PAPLN: variants seen among roughly 807,000 people sequenced by gnomAD.
PAPLN encodes papilin.
PAPLN carries 146 observed loss-of-function variants against 159.0 expected under a neutral mutation model. The ratio of observed to expected loss-of-function variants is 0.92; its 90% CI spans 0.80 to 1.05. The LOEUF (loss-of-function observed/expected upper bound fraction) is 1.05, where lower values mean the gene tolerates loss of function less well. Ranked by LOEUF, PAPLN falls within the 50% of genes least tolerant of loss-of-function variation. The pLI, the probability that PAPLN is intolerant of heterozygous loss-of-function variation, is 0.00. For missense variants in PAPLN, 1,720 were observed against 1,743.9 expected, an observed-to-expected ratio of 0.99 and a Z score of 0.24; for synonymous variants, 734 against 702.9, an observed-to-expected ratio of 1.04 and a Z score of -0.70.
intron 5 of PAPLN, among the ~76,000 whole-genome samples, chr14:73,247,121 C>T (rs1822614277): frequency 6.6e-6 from 1 of 152,116 alleles, no homozygotes; most frequent in Admixed American, 6.6e-5. Context: ...ATGGGGAACC[C>T]CGGGAGCGGT....
At position 73,266,883 on chromosome 14, in the gene PAPLN, G is replaced by T. The variant is rs868375554; in HGVS notation, c.3500+52G>T. ...TGTCCCCAGACCTTCACAACCTCAG[G>T]TGTGGGTGTCCACCTTTCTGCCAGG... On this transcript the variant is annotated intron_variant, in intron 25 of 26. Coordinates refer to ENST00000644200, the MANE Select transcript of PAPLN (RefSeq NM_001365906.3). The T allele has an allele frequency of 4.0e-6, 6 of 1,509,364 alleles. No homozygotes were observed. In the Middle Eastern group the frequency reaches 8.5e-4, roughly 215 times the overall value. The allele number at this position is 1,509,364 out of a possible 1,614,324, so 93.5% of individuals were successfully genotyped here.
intron 11 of PAPLN, chr14:73,253,084 G>C: frequency 1.5e-6 from 2 of 1,370,264 alleles, no homozygotes; most frequent in Non-Finnish European, 2.0e-6. Flanking sequence ...GTTTGGCTTG[G>C]CAGATGCCAA....
chr14:73,253,224 C>T (rs760841026), intron 11 of PAPLN: 6 of 1,358,940 alleles, frequency 4.4e-6, no homozygotes, highest in Non-Finnish European at 5.8e-6. Flanking sequence ...TGTGTGGGAA[C>T]AGGTAACCTG....
rs1884222060 is a variant in PAPLN at position 73,245,968 on chromosome 14, G to C, written c.232-105G>C. ...ACTCCACCTCCGGCGGCTCCGATGGGGCAGGCAAGGGAGACTCCTGGGCTC... is the reference window on the plus strand; with the variant it reads ...ACTCCACCTCCGGCGGCTCCGATGGCGCAGGCAAGGGAGACTCCTGGGCTC... On this transcript the variant is annotated intron_variant, in intron 4 of 26. Transcript: ENST00000644200. The surrounding 1 kb of genome is among the most constrained non-coding windows in gnomAD (Gnocchi z 4.2). 2.5e-6 allele frequency: 3 copies of C among 1,190,226 alleles called. No homozygotes were observed. The highest frequency in any genetic ancestry group is 1.6e-5 in the African/African-American group (1 of 63,470). 73.7% of individuals were successfully genotyped at this position (1,190,226 alleles called of 1,614,324 possible).
chr14:73,266,755 G>C lies in PAPLN; in HGVS notation c.3424G>C (p.Val1142Leu), dbSNP rs1183683602. Residue 1142 changes from valine (V) to leucine (L), a missense_variant, in exon 25 of 27, where the codon GTG (valine) becomes CTG (leucine). Val to Leu is a conservative substitution (Grantham distance 32). Coordinates refer to ENST00000644200, the MANE Select transcript of PAPLN (RefSeq NM_001365906.3). ...GACAATCTCAGGACTGCCCCCTACT[G>C]TGACAGTGCCAGAGGGTGATACGGC... ...ELTISGLPPTVTVPEGDTARL... is the reference protein window; with the variant it reads ...ELTISGLPPTLTVPEGDTARL... The C allele has an allele frequency of 6.2e-7, 1 of 1,614,054 alleles. No homozygotes were observed. Among genetic ancestry groups the C allele is most frequent in the Non-Finnish European group, 8.5e-7 (1 of 1,179,952 alleles).
chr14:73,262,871 C>A, intron 19 of PAPLN, 44 bp downstream of exon 19: 1 of 1,396,208 alleles, frequency 7.2e-7, no homozygotes, highest in African/African-American at 1.5e-5. Context: ...GACGCCCAGA[C>A]AAGGAGCATG....
At chr14:73,241,203 C>G (rs988362932) in intron 2 of PAPLN, among the ~76,000 whole-genome samples, 1 of 152,132 alleles carries the variant, frequency 6.6e-6, no homozygotes, top group Non-Finnish European at 1.5e-5. Flanking sequence ...GGGCTAGAGG[C>G]AGCCTTTTTC....
intron 20 of PAPLN, 105 bp downstream of exon 20, chr14:73,263,887 GA>G (rs1886872805): frequency 7.8e-7 from 1 of 1,278,630 alleles, no homozygotes; most frequent in Non-Finnish European, 1.1e-6. Flanking sequence ...AGGTGTGACA[GA>G]CCCCCTCCTC....
chr14:73,266,936 C>A, intron 25 of PAPLN, 105 bp downstream of exon 25: 2 of 1,145,696 alleles, frequency 1.7e-6, no homozygotes, highest in Non-Finnish European at 2.5e-6. Flanking sequence ...TGCTTCCATT[C>A]CGGCTTCCAG....
In PAPLN at chr14:73,252,125, C is replaced by T. The variant is rs369523669; in HGVS notation, c.951C>T (p.Ser317=). ...SWSHGSWSDC[S]AECGGGHQSR... The stretch of plus-strand genomic sequence containing the variant: ...GCCACGGCTCATGGAGTGACTGCAG[C>T]GCGGAGTGTGGCGGAGGTGCGGGCG... The change falls in exon 10 of 27, where the codon AGC becomes AGT. Residue 317 remains serine (S), a synonymous_variant. Transcript: ENST00000644200. The T allele has an allele frequency of 3.7e-5, 59 of 1,606,750 alleles. No individual in the cohort carries two copies. In the South Asian group the frequency reaches 4.7e-4, roughly 13 times the overall value.
chr14:73,240,891 G>T (rs1165752543), intron 2 of PAPLN, among the ~76,000 whole-genome samples: 2 of 152,134 alleles, frequency 1.3e-5, no homozygotes, highest in Admixed American at 6.5e-5. Flanking sequence ...GCCCTGTCCT[G>T]CCCCAGGAGA....
intron 5 of PAPLN, 198 bp from the exon 6 acceptor site, chr14:73,249,786 T>C (rs1885029440): frequency 1.2e-5 from 5 of 403,022 alleles, no homozygotes; most frequent in Non-Finnish European, 2.1e-5. Flanking sequence ...GGGATTTTTC[T>C]TCGACTTGAT....
rs1417433224 is a variant in PAPLN at position 73,247,795 on chromosome 14, CCCGT to C, written c.334+1621_334+1624del. Among the ~76,000 whole-genome samples the C allele has an allele frequency of 3.8e-4, 5 of 13,002 alleles. 1 individual carries two copies. The highest frequency in any genetic ancestry group is 5.9e-4 in the Non-Finnish European group (5 of 8,522). The allele number at this position is 13,002 out of a possible 152,430, so 8.5% of individuals were successfully genotyped here. On this transcript the variant is annotated intron_variant, in intron 5 of 26. Coordinates refer to ENST00000644200, the MANE Select transcript of PAPLN (RefSeq NM_001365906.3). ...GCGTGGCCCAGTGGGAGTCTCTTATCCCGTGTGTGTGTGTGTGTGTGTGTGTGTG... is the reference window on the plus strand; with the variant it reads ...GCGTGGCCCAGTGGGAGTCTCTTATCGTGTGTGTGTGTGTGTGTGTGTGTG...
intron 1 of PAPLN, among the ~76,000 whole-genome samples, chr14:73,238,046 G>A (rs755339970): frequency 1.2e-4 from 18 of 152,186 alleles, no homozygotes; most frequent in Non-Finnish European, 2.2e-4. Context: ...TCTCCGCCTC[G>A]GGGGTGCGCG....
In PAPLN at chr14:73,268,581, T is replaced by G. The variant is rs763245500; in HGVS notation, c.3525T>G (p.Asp1175Glu). The stretch of plus-strand genomic sequence containing the variant: ...GGAACGGGCTACCTGTGCAGGCTGA[T>G]GGCCACCGTGTCCACCAGTCCCCAG... ...WSRNGLPVQA[D>E]GHRVHQSPDG... The change falls in exon 26 of 27, where the codon GAT (aspartate) becomes GAG (glutamate). Residue 1175 changes from aspartate (D) to glutamate (E), a missense_variant. Physicochemically the swap from Asp to Glu is conservative, Grantham distance 45 (BLOSUM62 2). Transcript: ENST00000644200. The G allele has an allele frequency of 2.5e-6, 4 of 1,613,532 alleles. No individual in the cohort carries two copies. In the East Asian group the frequency reaches 6.7e-5, roughly 27 times the overall value.
At position 73,264,778 on chromosome 14, in the gene PAPLN, G is replaced by A. The variant is rs747228447; in HGVS notation, c.3125+52G>A. On this transcript the variant is annotated intron_variant, in intron 22 of 26. Transcript: ENST00000644200. The stretch of plus-strand genomic sequence containing the variant: ...CCTCCCCCACGCCAGGGCCAGGGCC[G>A]GGGGTCTCAGTGGATAAGGAGGGGA... The A allele has an allele frequency of 2.8e-5, 45 of 1,605,832 alleles. No individual in the cohort carries two copies. In the Admixed American group the frequency reaches 4.1e-4, roughly 15 times the overall value.
In PAPLN at chr14:73,246,172, A is replaced by G; in HGVS notation, c.331A>G (p.Ser111Gly). The G allele has an allele frequency of 3.2e-6, 5 of 1,576,622 alleles. No individual in the cohort carries two copies. Among genetic ancestry groups the G allele is most frequent in the Non-Finnish European group, 4.3e-6 (5 of 1,165,754 alleles). Residue 111 changes from serine to glycine, a missense_variant, in exon 5 of 27, where the codon AGC becomes GGC. Physicochemically the swap from Ser to Gly is moderately conservative, Grantham distance 56 (BLOSUM62 0). Coordinates refer to ENST00000644200, the MANE Select transcript of PAPLN (RefSeq NM_001365906.3). The stretch of plus-strand genomic sequence containing the variant: ...GCGGTATCGGTGGCTGCCCTACTAC[A>G]GCGGTGAGCGCGGCCGGGACTCGCT... Reference protein sequence around the residue: ...GRRYRWLPYYSAPNKCELNCI... With the variant: ...GRRYRWLPYYGAPNKCELNCI...
chr14:73,246,077 G>GC lies in PAPLN; in HGVS notation c.240dup (p.Asp81ArgfsTer37). The GC allele has an allele frequency of 6.4e-7, 1 of 1,551,530 alleles. No individual in the cohort carries two copies. Among genetic ancestry groups the GC allele is most frequent in the African/African-American group, 1.4e-5 (1 of 71,140 alleles). ...GACTTCCCCTCCGCCCCGCAGAGCT[G>GC]CCCCGACGGCGCCCGGGACTTCCGG... On this transcript the variant is annotated frameshift_variant, in exon 5 of 27. Coordinates refer to ENST00000644200, the MANE Select transcript of PAPLN (RefSeq NM_001365906.3). LOFTEE classifies it high-confidence loss of function.
chr14:73,258,857 G>A lies in PAPLN; in HGVS notation c.1628-122G>A, dbSNP rs188034253. On this transcript the variant is annotated intron_variant, in intron 14 of 26. Transcript: ENST00000644200. The stretch of plus-strand genomic sequence containing the variant: ...TGCTCCTTTTCCCTTGGGCTGTCTC[G>A]GGTTCCCAGGCCCTGCCTGGGCAGT... The A allele has an allele frequency of 6.9e-5, 59 of 851,246 alleles. No individual in the cohort carries two copies. The South Asian group carries it at 1.2e-3, about 17-fold the overall frequency. 52.7% of individuals were successfully genotyped at this position (851,246 alleles called of 1,614,324 possible).
Sources: allele counts gnomAD v4.1 joint callset (sites outside exome capture counted in the v4.1 genomes callset), GRCh38; gene constraint gnomAD v4.1.1; non-coding constraint Gnocchi (gnomAD v3.1); transcripts MANE v1.5; gene names NCBI Gene and HGNC (gene_info 2026-07-23, HGNC 2026-07-21).